Variants in GLT8D2 observed in about 807,000 individuals in gnomAD.
GLT8D2 encodes the protein glycosyltransferase 8 domain containing 2.
In GLT8D2, 45 loss-of-function variants were observed where a neutral mutation model predicts 44.5. That is an observed-to-expected ratio of 1.01 (90% CI 0.80 to 1.30). The LOEUF (loss-of-function observed/expected upper bound fraction) is 1.30, where lower values mean the gene tolerates loss of function less well. Ranked by LOEUF, GLT8D2 falls within the 50% of genes most tolerant of loss-of-function variation. The pLI is 0.00. For missense variants in GLT8D2, 400 were observed against 430.4 expected (o/e 0.93, Z 0.62); for synonymous variants, 156 against 157.2 (o/e 0.99, Z 0.06).
chr12:104,016,774 A>AAGGAAGGAAGGAAGGAAG (rs1566199639), intron 3 of GLT8D2, among the ~76,000 whole-genome samples: 2 of 58,398 alleles, frequency 3.4e-5, no homozygotes, highest in African/African-American at 1.6e-4. Flanking sequence ...AAAGAAAGAA[A>AAGGAAGGAAGGAAGGAAG]GAAGGAAGGA....
Position 104,038,457 on chromosome 12 carries a change from C to T in GLT8D2, c.-164+11438G>A, listed in dbSNP as rs1010680094. On this transcript the variant is annotated intron_variant, in intron 1 of 10. Coordinates refer to ENST00000360814, the MANE Select transcript of GLT8D2 (RefSeq NM_001384711.1). The stretch of plus-strand genomic sequence containing the variant: ...GCAACTTCAGCAAAGTCTCAGGATA[C>T]AAAATCAATGTGCAAAAATCACAAG... Among the ~76,000 whole-genome samples, 7 of 152,206 alleles carry T rather than the reference C, an allele frequency of 4.6e-5. No individual in the cohort carries two copies. The South Asian group carries it at 6.2e-4, about 14-fold the overall frequency.
chr12:104,062,026 A>G (rs1272033464), intron 1 of GLT8D2, among the ~76,000 whole-genome samples: 1 of 151,752 alleles, frequency 6.6e-6, no homozygotes, highest in African/African-American at 2.4e-5. Context: ...GGAGAATTTA[A>G]GAAGCAGAAG....
chr12:104,050,850 T>C (rs1184912882), upstream of GLT8D2, among the ~76,000 whole-genome samples: 1 of 150,452 alleles, frequency 6.6e-6, no homozygotes, highest in African/African-American at 2.4e-5. Flanking sequence ...AGTCTCCCTC[T>C]GTCTCCCAGG....
intron 6 of GLT8D2, among the ~76,000 whole-genome samples, chr12:103,998,720 T>A (rs1215765870): frequency 6.6e-6 from 1 of 152,130 alleles, no homozygotes; most frequent in African/African-American, 2.4e-5. Context: ...TAAATAAAAC[T>A]TTTTTAAGTA....
At position 104,064,135 on chromosome 12, in the gene GLT8D2, C is replaced by A. The variant is rs974405429; in HGVS notation, c.-609G>T. The stretch of plus-strand genomic sequence containing the variant: ...CCTCCCGTGCGAGGTCCCCGCCCTG[C>A]GCTCCCAGCTCTTCGAACCTCTACC... On this transcript the variant is annotated 5_prime_UTR_variant, in exon 1 of 11. Transcript: ENST00000548660. This position sits in a 1 kb window ranked among gnomAD's most constrained non-coding sequence, Gnocchi z 7.3. 7.1e-5 allele frequency: 11 copies of A among 153,922 alleles called. No homozygotes were observed. The highest frequency in any genetic ancestry group is 2.4e-4 in the African/African-American group (10 of 41,674). 9.5% of individuals were successfully genotyped at this position (153,922 alleles called of 1,614,324 possible). A position where few individuals can be genotyped will look rare whatever the true frequency, so the allele number is the denominator to read the frequency against.
chr12:104,005,888 T>C (rs12366629), intron 4 of GLT8D2, among the ~76,000 whole-genome samples: 39,917 of 152,118 alleles, frequency 0.26, 6,266 homozygotes, highest in Non-Finnish European at 0.34. Context: ...ACTGGGTATA[T>C]ACCCAGAGGA....
At chr12:104,028,879 C>T (rs1445102894) in intron 1 of GLT8D2, among the ~76,000 whole-genome samples, 2 of 151,890 alleles carry the variant, frequency 1.3e-5, no homozygotes, top group African/African-American at 4.8e-5. Flanking sequence ...AAATCCAAAT[C>T]ATGGATCATT....
intron 6 of GLT8D2, 39 bp from the exon 7 acceptor site, chr12:103,997,574 C>A: frequency 7.0e-7 from 1 of 1,437,904 alleles, no homozygotes; most frequent in Non-Finnish European, 9.8e-7. Flanking sequence ...GGGGGAGAGG[C>A]ATATGGCTTA....
chr12:104,001,361 T>C (rs978884910), intron 5 of GLT8D2, among the ~76,000 whole-genome samples: 1 of 152,232 alleles, frequency 6.6e-6, no homozygotes. Context: ...ATTTTGGTAA[T>C]ATGTACTAGA....
At chr12:104,045,942 A>AAAAT (rs1479316572) in intron 1 of GLT8D2, among the ~76,000 whole-genome samples, 46 of 144,716 alleles carry the variant, frequency 3.2e-4, no homozygotes, top group East Asian at 1.7e-3. Context: ...AAAGAAAAAG[A>AAAAT]AAGAAAGAAA....
At chr12:103,989,788 A>T (rs1262805187) in intron 10 of GLT8D2, among the ~76,000 whole-genome samples, 1 of 152,064 alleles carries the variant, frequency 6.6e-6, no homozygotes, top group Non-Finnish European at 1.5e-5. Flanking sequence ...ACCTGTATGC[A>T]TGTATATGTA....
chr12:104,022,070 GAAAGA>G (rs1263449133), intron 1 of GLT8D2, among the ~76,000 whole-genome samples: 3 of 100,896 alleles, frequency 3.0e-5, no homozygotes, highest in African/African-American at 1.1e-4. Flanking sequence ...AAGAAAGAAA[GAAAGA>G]AAAAAAAAGA....
chr12:104,058,335 T>C (rs1196159536), intron 1 of GLT8D2, among the ~76,000 whole-genome samples: 1 of 152,234 alleles, frequency 6.6e-6, no homozygotes, highest in Non-Finnish European at 1.5e-5. Context: ...TATGGAAGTC[T>C]GATTCTCTTA....
intron 4 of GLT8D2, among the ~76,000 whole-genome samples, chr12:104,008,622 C>A: frequency 6.6e-6 from 1 of 152,212 alleles, no homozygotes; most frequent in East Asian, 1.9e-4. Flanking sequence ...TAACAAGGAG[C>A]CAAACATTAA....
chr12:103,995,000 G>A (rs1430561167), intron 8 of GLT8D2, among the ~76,000 whole-genome samples: 2 of 152,130 alleles, frequency 1.3e-5, no homozygotes, highest in Non-Finnish European at 2.9e-5. Context: ...GGTCCTCCTT[G>A]ACTCCTTTTT....
At chr12:104,036,118 T>C (rs1001517588) in intron 1 of GLT8D2, among the ~76,000 whole-genome samples, 1 of 152,098 alleles carries the variant, frequency 6.6e-6, no homozygotes, top group Non-Finnish European at 1.5e-5. Flanking sequence ...GCTGAGAGAT[T>C]TTGTCACCAC....
At chr12:104,015,419 C>A (rs1876440611) in intron 3 of GLT8D2, among the ~76,000 whole-genome samples, 1 of 150,854 alleles carries the variant, frequency 6.6e-6, no homozygotes, top group Admixed American at 6.6e-5. Context: ...CACACACACA[C>A]ACACACACAC....
intron 9 of GLT8D2, 75 bp downstream of exon 9, chr12:103,994,260 G>C: frequency 7.1e-7 from 1 of 1,407,228 alleles, no homozygotes; most frequent in South Asian, 1.4e-5. Flanking sequence ...TCTAACCCTT[G>C]AACTATGTGT....
intron 4 of GLT8D2, among the ~76,000 whole-genome samples, chr12:104,003,811 G>A (rs1269759463): frequency 6.6e-6 from 1 of 152,144 alleles, no homozygotes; most frequent in Non-Finnish European, 1.5e-5. Flanking sequence ...CTTCTATTTT[G>A]TTTATGTCGC....
Sources: allele counts gnomAD v4.1 joint callset (sites outside exome capture counted in the v4.1 genomes callset), GRCh38; gene constraint gnomAD v4.1.1; non-coding constraint Gnocchi (gnomAD v3.1); transcripts MANE v1.5; gene names NCBI Gene and HGNC (gene_info 2026-07-23, HGNC 2026-07-21).